Variants in CCSER1 observed in about 807,000 individuals in gnomAD.
The protein encoded by CCSER1 is serine-rich coiled-coil domain-containing protein 1.
In CCSER1, 41 loss-of-function variants were observed where a neutral mutation model predicts 82.0. The observed-to-expected ratio is 0.50, with a 90% CI of 0.39 to 0.65. CCSER1 has a LOEUF of 0.65. Ranked by LOEUF, CCSER1 falls within the 30% of genes least tolerant of loss-of-function variation. The pLI, the probability that CCSER1 is intolerant of heterozygous loss-of-function variation, is 0.00. For synonymous variants in CCSER1, 414 were observed against 383.9 expected, an observed-to-expected ratio of 1.08 and a Z score of -0.92; for missense variants, 1,119 against 1,064.2, an observed-to-expected ratio of 1.05 and a Z score of -0.72.
At chr4:90,501,990 C>A (rs1478260596) in intron 5 of CCSER1, among the ~76,000 whole-genome samples, 1 of 152,002 alleles carries the variant, frequency 6.6e-6, no homozygotes, top group African/African-American at 2.4e-5. Context: ...TTTGTTTGAA[C>A]AATCCAGACA....
intron 10 of CCSER1, among the ~76,000 whole-genome samples, chr4:91,242,944 A>C (rs1053028038): frequency 1.3e-5 from 2 of 152,160 alleles, no homozygotes; most frequent in Non-Finnish European, 2.9e-5. Context: ...CCACAAGAAT[A>C]AAAAATCAGA....
At chr4:90,159,173 G>A (rs1279955019) in intron 1 of CCSER1, among the ~76,000 whole-genome samples, 1 of 151,998 alleles carries the variant, frequency 6.6e-6, no homozygotes, top group Non-Finnish European at 1.5e-5. Flanking sequence ...AACTAGGACT[G>A]TAGGCCTATG....
chr4:90,803,489 G>T (rs1299194342), intron 7 of CCSER1, among the ~76,000 whole-genome samples: 7 of 152,112 alleles, frequency 4.6e-5, no homozygotes, highest in African/African-American at 1.7e-4. Flanking sequence ...GTGATAGTTT[G>T]CTGAGAATGA....
chr4:91,131,985 A>G lies in CCSER1; in HGVS notation c.2217+45991A>G, dbSNP rs560389466. Reference sequence around the variant, plus strand: ...ATGAAGATGATAATATCTAGATTATATATTGTTTTAAAGATTAGAAAAGAT... The same window carrying G: ...ATGAAGATGATAATATCTAGATTATGTATTGTTTTAAAGATTAGAAAAGAT... On this transcript the variant is annotated intron_variant, in intron 10 of 10. Transcript: ENST00000509176. 6.6e-5 allele frequency among the ~76,000 whole-genome samples: 10 copies of G among 152,110 alleles called. No individual in the cohort carries two copies. The East Asian group carries it at 1.2e-3, about 18-fold the overall frequency.
chr4:91,534,695 T>G (rs1761209524), intron 10 of CCSER1, among the ~76,000 whole-genome samples: 1 of 151,992 alleles, frequency 6.6e-6, no homozygotes, highest in Admixed American at 6.6e-5. Flanking sequence ...GCTATATTAA[T>G]TCAATTTTTA....
At chr4:91,405,324 A>T (rs1370739584) in intron 10 of CCSER1, among the ~76,000 whole-genome samples, 1 of 152,094 alleles carries the variant, frequency 6.6e-6, no homozygotes, top group Admixed American at 6.6e-5. Context: ...TGGATTAAAG[A>T]CTTAAATGTT....
chr4:90,321,720 A>G (rs1369348795), intron 3 of CCSER1, among the ~76,000 whole-genome samples: 1 of 151,910 alleles, frequency 6.6e-6, no homozygotes, highest in East Asian at 1.9e-4. Flanking sequence ...TCCTGTTAGC[A>G]TTTGTTATTT....
At chr4:91,564,858 C>G (rs2110264378) in intron 10 of CCSER1, among the ~76,000 whole-genome samples, 1 of 151,850 alleles carries the variant, frequency 6.6e-6, no homozygotes, top group Non-Finnish European at 1.5e-5. Flanking sequence ...GTTTTGTTTG[C>G]TGTGCAGAAG....
intron 3 of CCSER1, among the ~76,000 whole-genome samples, chr4:90,387,365 G>A (rs1750220452): frequency 6.6e-6 from 1 of 152,120 alleles, no homozygotes; most frequent in Non-Finnish European, 1.5e-5. Flanking sequence ...AGAAAGCCAT[G>A]CAGAGCCTAT....
intron 10 of CCSER1, among the ~76,000 whole-genome samples, chr4:91,166,895 T>C (rs927777166): frequency 3.9e-5 from 6 of 152,142 alleles, no homozygotes; most frequent in African/African-American, 1.4e-4. Flanking sequence ...TTTTGAATAG[T>C]TTTCTGATAG....
rs552295626 is a variant in CCSER1, at chr4:90,429,323, T to C, written c.1603+29194T>C. Among the ~76,000 whole-genome samples the C allele has an allele frequency of 2.2e-3, 333 of 151,900 alleles. 1 individual carries two copies. The highest frequency in any genetic ancestry group is 4.0e-3 in the Non-Finnish European group (273 of 67,748). ...TAACGACACAGAGCCATTGGTTATATAAAAAGCTGTTTGGATGGCACAGTC... is the reference window on the plus strand; with the variant it reads ...TAACGACACAGAGCCATTGGTTATACAAAAAGCTGTTTGGATGGCACAGTC... On this transcript the variant is annotated intron_variant, in intron 4 of 10. Transcript: ENST00000509176.
intron 5 of CCSER1, among the ~76,000 whole-genome samples, chr4:90,542,917 T>C (rs1776283592): frequency 1.3e-5 from 2 of 152,144 alleles, no homozygotes; most frequent in Admixed American, 1.3e-4. Flanking sequence ...AAAAGGAATT[T>C]ACTAAAATTA....
intron 1 of CCSER1, among the ~76,000 whole-genome samples, chr4:90,275,259 T>A (rs542640534): frequency 4.6e-5 from 7 of 152,050 alleles, no homozygotes; most frequent in Admixed American, 1.3e-4. Context: ...TAAGAATGAG[T>A]TTTCAAACAT....
rs567494156 is a variant in CCSER1, at chr4:90,964,614, A to G, written c.2172+41167A>G. ...GTGGCAGGCGCCTGTTGTCTCAGCT[A>G]CTCGGGAGGCTGATCCAGGAGAATG... On this transcript the variant is annotated intron_variant, in intron 9 of 10. Transcript: ENST00000509176. 2.3e-3 allele frequency among the ~76,000 whole-genome samples: 342 copies of G among 150,932 alleles called. 6 individuals carry two copies. The highest frequency in any genetic ancestry group is 6.8e-3 in the Admixed American group (103 of 15,084).
chr4:90,422,093 A>G (rs1401369718), intron 4 of CCSER1, among the ~76,000 whole-genome samples: 1 of 152,174 alleles, frequency 6.6e-6, no homozygotes, highest in East Asian at 1.9e-4. Flanking sequence ...ATTATCTCAA[A>G]TGTCCATGAA....
chr4:90,210,336 T>C (rs1739723134), intron 1 of CCSER1, among the ~76,000 whole-genome samples: 1 of 152,226 alleles, frequency 6.6e-6, no homozygotes, highest in Non-Finnish European at 1.5e-5. Context: ...ATATGTTTTG[T>C]CTTAAAGTTG....
chr4:90,840,941 T>C (rs1762494701), intron 8 of CCSER1, among the ~76,000 whole-genome samples: 3 of 152,198 alleles, frequency 2.0e-5, no homozygotes, highest in Admixed American at 2.0e-4. Flanking sequence ...GTATCATGTA[T>C]TGCATAATAG....
At chr4:91,561,757 T>C (rs991728280) in intron 10 of CCSER1, among the ~76,000 whole-genome samples, 4 of 151,452 alleles carry the variant, frequency 2.6e-5, no homozygotes, top group Non-Finnish European at 5.9e-5. Flanking sequence ...TTGCATAGGA[T>C]GAAAGCTGTT....
At chr4:91,028,765 A>C (rs1004357403) in intron 9 of CCSER1, among the ~76,000 whole-genome samples, 12 of 151,772 alleles carry the variant, frequency 7.9e-5, no homozygotes, top group Non-Finnish European at 1.3e-4. Context: ...AATAAGCATG[A>C]CTCCCCATGG....
Sources: gnomAD v4.1 joint callset for allele counts (sites outside exome capture counted in the v4.1 genomes callset) on GRCh38, gnomAD v4.1.1 for gene constraint, MANE v1.5 for transcripts, NCBI Gene and HGNC (gene_info 2026-07-23, HGNC 2026-07-21) for gene names.